Variants in MSI2 observed in about 807,000 individuals in gnomAD.
MSI2 encodes musashi RNA binding protein 2, also known as RNA-binding protein Musashi homolog 2.
A neutral mutation model predicts 45.6 loss-of-function variants in MSI2; 17 were observed. The ratio of observed to expected loss-of-function variants is 0.37; its 90% confidence interval spans 0.26 to 0.56. The LOEUF (loss-of-function observed/expected upper bound fraction) is 0.56, where lower values mean the gene tolerates loss of function less well. Among genes scored for constraint, MSI2 ranks in the 20% least tolerant of loss-of-function variants. The pLI is 0.77. For missense variants in MSI2, 293 were observed against 444.2 expected, an observed-to-expected ratio of 0.66 and a Z score of 3.06; for synonymous variants, 156 against 158.2, an observed-to-expected ratio of 0.99 and a Z score of 0.11.
intron 6 of MSI2, among the ~76,000 whole-genome samples, chr17:57,432,370 T>A (rs1021714957): frequency 6.6e-6 from 1 of 152,180 alleles, no homozygotes; most frequent in African/African-American, 2.4e-5. Flanking sequence ...CCTGGGCTCA[T>A]AGCCATTCTC....
In MSI2 at chr17:57,585,402, A is replaced by G. The variant is rs577857672; in HGVS notation, c.455-11466A>G. Among the ~76,000 whole-genome samples, 10 of 152,326 alleles carry G rather than the reference A, an allele frequency of 6.6e-5. No homozygotes were observed. The South Asian group carries it at 1.2e-3, about 19-fold the overall frequency. ...CTCAGAAGTGCAGGTGTTTTTAAGC[A>G]ATCCTGACTGGTGAGGTGGATCATT... On this transcript the variant is annotated intron_variant, in intron 7 of 13. Coordinates refer to ENST00000284073, the MANE Select transcript of MSI2 (RefSeq NM_138962.4).
chr17:57,487,137 G>C (rs1693850434), intron 6 of MSI2, among the ~76,000 whole-genome samples: 1 of 152,226 alleles, frequency 6.6e-6, no homozygotes, highest in Non-Finnish European at 1.5e-5. Flanking sequence ...GGGGACTTCA[G>C]ATCACGGGGT....
At chr17:57,352,804 T>A (rs1484551144) in intron 5 of MSI2, among the ~76,000 whole-genome samples, 2 of 152,222 alleles carry the variant, frequency 1.3e-5, no homozygotes, top group African/African-American at 4.8e-5. Flanking sequence ...TCCCTCTGGC[T>A]ACCAGTTTGC....
chr17:57,400,092 C>T (rs2143081416), intron 5 of MSI2, among the ~76,000 whole-genome samples: 1 of 152,348 alleles, frequency 6.6e-6, no homozygotes, highest in South Asian at 2.1e-4. Context: ...ACTGGTCAGA[C>T]CCTCACCCAT....
intron 5 of MSI2, among the ~76,000 whole-genome samples, chr17:57,296,530 G>T (rs1398463152): frequency 6.6e-6 from 1 of 152,138 alleles, no homozygotes. Flanking sequence ...TGACGATAGG[G>T]AGAAGGATTA....
At chr17:57,581,274 A>C (rs1337440993) in intron 7 of MSI2, among the ~76,000 whole-genome samples, 1 of 151,922 alleles carries the variant, frequency 6.6e-6, no homozygotes, top group Non-Finnish European at 1.5e-5. Flanking sequence ...CCACTTCCCA[A>C]AGTTCTGGGA....
At chr17:57,409,417 A>G (rs538524981) in intron 6 of MSI2, among the ~76,000 whole-genome samples, 1 of 152,368 alleles carries the variant, frequency 6.6e-6, no homozygotes, top group Admixed American at 6.5e-5. Flanking sequence ...GCCGGCATTA[A>G]TAAGGACCAG....
At chr17:57,473,532 TCTC>T (rs2085480489) in intron 6 of MSI2, among the ~76,000 whole-genome samples, 2 of 152,120 alleles carry the variant, frequency 1.3e-5, no homozygotes, top group South Asian at 4.1e-4. Flanking sequence ...CTCTGGGAAT[TCTC>T]CTCCTCTATT....
At chr17:57,512,992 GA>G (rs2086390799) in intron 6 of MSI2, among the ~76,000 whole-genome samples, 1 of 66,808 alleles carries the variant, frequency 1.5e-5, no homozygotes, top group African/African-American at 5.4e-5. Flanking sequence ...TTTTCCTTCT[GA>G]GACAGAGTCT....
intron 5 of MSI2, among the ~76,000 whole-genome samples, chr17:57,397,663 T>A (rs901664229): frequency 2.0e-5 from 3 of 152,194 alleles, no homozygotes; most frequent in Non-Finnish European, 2.9e-5. Flanking sequence ...CAGGCCACAG[T>A]CCATTTGGCA....
At chr17:57,451,329 A>T (rs1278349962) in intron 6 of MSI2, among the ~76,000 whole-genome samples, 2 of 152,030 alleles carry the variant, frequency 1.3e-5, no homozygotes, top group Non-Finnish European at 2.9e-5. Flanking sequence ...CGGAGAAGCC[A>T]CCCCCTCCTT....
rs55688182 is a variant in MSI2 at position 57,396,413 on chromosome 17, C to CCACACACA, written c.313-4951_313-4944dup. On this transcript the variant is annotated intron_variant, in intron 5 of 13. Transcript: ENST00000284073. ...ACACAAAACACACACAGCACACACA[C>CCACACACA]CACACACACACACACACACACATCC... 1.3e-3 allele frequency among the ~76,000 whole-genome samples: 202 copies of CCACACACA among 150,180 alleles called. 1 individual carries two copies. Among genetic ancestry groups the CCACACACA allele is most frequent in the East Asian group, 2.6e-3 (13 of 5,078 alleles).
chr17:57,684,712 G>A (rs942234994), downstream of MSI2: 7 of 153,066 alleles, frequency 4.6e-5, no homozygotes, highest in African/African-American at 1.4e-4. Context: ...TCTTTCACTT[G>A]CAGAGGAGGT....
intron 5 of MSI2, among the ~76,000 whole-genome samples, chr17:57,348,034 C>G (rs980492001): frequency 6.6e-6 from 1 of 152,230 alleles, no homozygotes; most frequent in Non-Finnish European, 1.5e-5. Flanking sequence ...GCGTGTCCAG[C>G]CTTTCTCATC....
At chr17:57,533,838 C>G (rs2086870136) in intron 7 of MSI2, among the ~76,000 whole-genome samples, 1 of 152,176 alleles carries the variant, frequency 6.6e-6, no homozygotes, top group African/African-American at 2.4e-5. Flanking sequence ...CTGATGTGAC[C>G]TGGGCTTCCC....
chr17:57,471,139 T>G (rs1388050242), intron 6 of MSI2, among the ~76,000 whole-genome samples: 1 of 152,102 alleles, frequency 6.6e-6, no homozygotes, highest in Non-Finnish European at 1.5e-5. Context: ...CCTACTCTTT[T>G]GTTTATGCCC....
At chr17:57,643,102 T>C (rs1910376955) in intron 10 of MSI2, among the ~76,000 whole-genome samples, 1 of 151,908 alleles carries the variant, frequency 6.6e-6, no homozygotes, top group African/African-American at 2.4e-5. Flanking sequence ...TCTCAGGAGG[T>C]AGGGCCCAGG....
At chr17:57,264,387 T>G (rs1162827444) in intron 5 of MSI2, 1 of 152,160 alleles carries the variant, frequency 6.6e-6, no homozygotes, top group Non-Finnish European at 1.5e-5. Context: ...TTTATTTATT[T>G]ATTTATTTTT....
intron 5 of MSI2, among the ~76,000 whole-genome samples, chr17:57,315,171 T>G (rs1304754629): frequency 6.6e-6 from 1 of 152,126 alleles, no homozygotes; most frequent in Admixed American, 6.5e-5. Context: ...TAGAAACTGT[T>G]TTCTGCCCTC....
Sources: allele counts gnomAD v4.1 joint callset (sites outside exome capture counted in the v4.1 genomes callset), GRCh38; gene constraint gnomAD v4.1.1; transcripts MANE v1.5; gene names NCBI Gene and HGNC (gene_info 2026-07-23, HGNC 2026-07-21).